ADAM15: variants seen among roughly 807,000 people sequenced by gnomAD.
The protein encoded by ADAM15 is ADAM metallopeptidase domain 15, also known as disintegrin and metalloproteinase domain-containing protein 15.
ADAM15 carries 77 observed loss-of-function variants against 113.8 expected under a neutral mutation model. The observed-to-expected ratio is 0.68, with a 90% CI of 0.56 to 0.82. The LOEUF (loss-of-function observed/expected upper bound fraction) is 0.82. ADAM15 is among the 40% of genes least tolerant of loss of function. The pLI, the probability that ADAM15 is intolerant of heterozygous loss-of-function variation, is 0.00. For synonymous variants in ADAM15, 388 were observed against 454.1 expected (o/e 0.85, Z 1.85); for missense variants, 963 against 1,120.1 (o/e 0.86, Z 2.00).
chr1:155,057,520 T>A lies in ADAM15; in HGVS notation c.1324-117T>A. The A allele has an allele frequency of 1.3e-6, 2 of 1,498,660 alleles. No individual in the cohort carries two copies. Among genetic ancestry groups the A allele is most frequent in the Non-Finnish European group, 1.8e-6 (2 of 1,089,640 alleles). The allele number at this position is 1,498,660 out of a possible 1,614,324, so 92.8% of individuals were successfully genotyped here. A position where few individuals can be genotyped will look rare whatever the true frequency, so the allele number is the denominator to read the frequency against. The stretch of plus-strand genomic sequence containing the variant: ...GGGGACAGCACATGGGTTGTTGGGC[T>A]CTAGCCCTCGCTTGCTGTGTAGCTT... On this transcript the variant is annotated intron_variant, in intron 12 of 22. Coordinates refer to ENST00000356955, the MANE Select transcript of ADAM15 (RefSeq NM_207197.3). This position sits in a 1 kb window ranked among gnomAD's most constrained non-coding sequence, Gnocchi z 5.0.
chr1:155,054,747 G>A (rs1012980570), intron 6 of ADAM15, among the ~76,000 whole-genome samples: 2 of 152,104 alleles, frequency 1.3e-5, no homozygotes, highest in Non-Finnish European at 2.9e-5. Flanking sequence ...GCGTGCACCC[G>A]TAGTTCCAGC....
intron 18 of ADAM15, among the ~76,000 whole-genome samples, 170 bp downstream of exon 18, chr1:155,060,513 T>C (rs1233467083): frequency 6.6e-6 from 1 of 152,162 alleles, no homozygotes; most frequent in Non-Finnish European, 1.5e-5. Flanking sequence ...CCACAGCTTT[T>C]TACCTCACAG....
At position 155,060,152 on chromosome 1, in the gene ADAM15, T is replaced by C. The variant is rs202198686; in HGVS notation, c.2069-53T>C. On this transcript the variant is annotated intron_variant, in intron 17 of 22. Transcript: ENST00000356955. Reference sequence around the variant, plus strand: ...TCACTCCCTGCCCCCTGCGCCTTCATGGATCTAGAGTTCTTAGCCCCGTCC... The same window carrying C: ...TCACTCCCTGCCCCCTGCGCCTTCACGGATCTAGAGTTCTTAGCCCCGTCC... 3.3e-5 allele frequency: 53 copies of C among 1,603,680 alleles called. No homozygotes were observed. In the East Asian group the frequency reaches 1.2e-3, roughly 35 times the overall value.
In ADAM15 at chr1:155,057,971, G is replaced by T; in HGVS notation, c.1537G>T (p.Ala513Ser). 1 of 1,612,820 alleles carries T rather than the reference G, an allele frequency of 6.2e-7. No homozygotes were observed. Among genetic ancestry groups the T allele is most frequent in the Non-Finnish European group, 8.5e-7 (1 of 1,180,046 alleles). Residue 513 changes from alanine to serine, a missense_variant, in exon 14 of 23, where the codon GCT becomes TCT. Physicochemically the swap from Ala to Ser is moderately conservative, Grantham distance 99. Transcript: ENST00000356955. The surrounding 1 kb of genome is among the most constrained non-coding windows in gnomAD (Gnocchi z 5.0). The stretch of plus-strand genomic sequence containing the variant: ...CAGCCTAGGGGATGGCGAGCCCTGC[G>T]CTGGCGGGCAAGCTGTGTGCATGCA... ...DVSLGDGEPCAGGQAVCMHGR... is the reference protein window; with the variant it reads ...DVSLGDGEPCSGGQAVCMHGR...
chr1:155,052,379 G>A (rs1661164265), intron 1 of ADAM15: 2 of 927,588 alleles, frequency 2.2e-6, no homozygotes, highest in Admixed American at 2.5e-5. Flanking sequence ...ACCGGGGAGG[G>A]TCCTGTGAGA....
In ADAM15 at chr1:155,056,110, C is replaced by T. The variant is rs149174607; in HGVS notation, c.775C>T (p.Leu259=). The change falls in exon 9 of 23, where the codon CTA becomes TTA. Residue 259 remains leucine, a synonymous_variant. Coordinates refer to ENST00000356955, the MANE Select transcript of ADAM15 (RefSeq NM_207197.3). This position sits in a 1 kb window ranked among gnomAD's most constrained non-coding sequence, Gnocchi z 4.0. Reference sequence around the variant, plus strand: ...CCGGCCCCTGAATGTACGAGTGGCACTAGTGGGCCTGGAGGCCTGGACCCA... The same window carrying T: ...CCGGCCCCTGAATGTACGAGTGGCATTAGTGGGCCTGGAGGCCTGGACCCA... ...FFRPLNVRVA[L]VGLEAWTQRD... 2.7e-5 allele frequency: 44 copies of T among 1,613,788 alleles called. No homozygotes were observed. The African/African-American group carries it at 5.9e-4, about 22-fold the overall frequency.
At position 155,052,740 on chromosome 1, in the gene ADAM15, A is replaced by C. The variant is rs140561140; in HGVS notation, c.149A>C (p.Gln50Pro). ...GAGCCCTTGGAGCCCCAGGTCCTTC[A>C]GGACGATCTCCCAATTAGCCTCAAA... The part of the protein sequence containing the change: ...PREPLEPQVL[Q>P]DDLPISLKKV... Residue 50 changes from glutamine (Q) to proline (P), a missense_variant, in exon 2 of 23, where the codon CAG becomes CCG. Coordinates refer to ENST00000356955, the MANE Select transcript of ADAM15 (RefSeq NM_207197.3). 6.2e-7 allele frequency: 1 copy of C among 1,612,560 alleles called. No homozygotes were observed. The highest frequency in any genetic ancestry group is 1.3e-5 in the African/African-American group (1 of 74,994).
At position 155,062,377 on chromosome 1, in the gene ADAM15, G is replaced by A. The variant is rs1212019908; in HGVS notation, c.2549+8G>A. On this transcript the variant is annotated splice_region_variant and intron_variant, in intron 22 of 22. Coordinates refer to ENST00000356955, the MANE Select transcript of ADAM15 (RefSeq NM_207197.3). The surrounding 1 kb of genome is among the most constrained non-coding windows in gnomAD (Gnocchi z 7.0). ...CCTAGTGGTACCCTCCAGGTAGGAG[G>A]AGCCCTGGGCATGGGTGGGCGGGGC... 2 of 1,603,228 alleles carry A rather than the reference G, an allele frequency of 1.2e-6. No individual in the cohort carries two copies. Among genetic ancestry groups the A allele is most frequent in the South Asian group, 2.2e-5 (2 of 89,300 alleles).
intron 1 of ADAM15, chr1:155,051,781 G>A: frequency 3.6e-6 from 1 of 279,878 alleles, no homozygotes; most frequent in Non-Finnish European, 6.8e-6. Flanking sequence ...TGAGAGGGTC[G>A]CTGCTCCCCA....
At chr1:155,061,872 C>T in intron 20 of ADAM15, 32 bp from the exon 21 acceptor site, 1 of 1,495,628 alleles carries the variant, frequency 6.7e-7, no homozygotes, top group Non-Finnish European at 8.9e-7. Context: ...CCTGGTTATG[C>T]TCTCACAGCC....
chr1:155,057,466 T>C lies in ADAM15; in HGVS notation c.1323+104T>C. On this transcript the variant is annotated intron_variant, in intron 12 of 22. Transcript: ENST00000356955. This position sits in a 1 kb window ranked among gnomAD's most constrained non-coding sequence, Gnocchi z 5.0. ...GAGCTCTTGGGTTCTGAAGGGACTT[T>C]CCACCCCTCTCCTACTTGCCCTGTC... The C allele has an allele frequency of 6.6e-7, 1 of 1,522,144 alleles. No individual in the cohort carries two copies. Among genetic ancestry groups the C allele is most frequent in the Non-Finnish European group, 9.0e-7 (1 of 1,114,760 alleles). 94.3% of individuals were successfully genotyped at this position (1,522,144 alleles called of 1,614,324 possible). A position where few individuals can be genotyped will look rare whatever the true frequency, so the allele number is the denominator to read the frequency against.
chr1:155,061,384 C>T (rs758949997), intron 19 of ADAM15, 31 bp from the exon 20 acceptor site: 2 of 1,598,880 alleles, frequency 1.3e-6, no homozygotes, highest in South Asian at 2.2e-5. Flanking sequence ...TCTTCCCCCT[C>T]TGTGCCTATC....
chr1:155,061,238 T>C (rs1662550356), intron 19 of ADAM15, 177 bp from the exon 20 acceptor site: 1 of 590,812 alleles, frequency 1.7e-6, no homozygotes, highest in South Asian at 2.0e-5. Flanking sequence ...GATGGGAGTG[T>C]GTGCACACCT....
intron 2 of ADAM15, among the ~76,000 whole-genome samples, chr1:155,053,107 A>ACCCC (rs5777934): frequency 7.2e-3 from 734 of 102,380 alleles, no homozygotes; most frequent in Non-Finnish European, 0.011. Context: ...ACCTTACCAA[A>ACCCC]CCCCCCCCCC....
chr1:155,061,373 C>G (rs1168839729), intron 19 of ADAM15, 42 bp from the exon 20 acceptor site: 7 of 1,572,928 alleles, frequency 4.5e-6, no homozygotes, highest in Non-Finnish European at 6.1e-6. Context: ...TCTCTGCTTC[C>G]TCTTCCCCCT....
In ADAM15 at chr1:155,051,420, C is replaced by CT; in HGVS notation, c.35dup (p.Ala14ArgfsTer17). 6.4e-7 allele frequency: 1 copy of CT among 1,565,242 alleles called. No individual in the cohort carries two copies. ...GGCGCTGCTCTGGGCCCTGGGGCTC[C>CT]TGGGCGCGGGCAGCCCTCTGCCTTC... On this transcript the variant is annotated frameshift_variant, in exon 1 of 23. Transcript: ENST00000356955. LOFTEE classifies it high-confidence loss of function.
chr1:155,057,209 C>T lies in ADAM15; in HGVS notation c.1170C>T (p.Phe390=), dbSNP rs772384497. ...ASTDFLPGLN[F]SNCSRRALEK... ...CCAGCTTCCTACCAGGCCTGAACTTCAGCAACTGCAGCCGACGGGCCCTGG... is the reference window on the plus strand; with the variant it reads ...CCAGCTTCCTACCAGGCCTGAACTTTAGCAACTGCAGCCGACGGGCCCTGG... The change falls in exon 12 of 23, where the codon TTC becomes TTT. Residue 390 remains phenylalanine, a synonymous_variant. Coordinates refer to ENST00000356955, the MANE Select transcript of ADAM15 (RefSeq NM_207197.3). The surrounding 1 kb of genome is among the most constrained non-coding windows in gnomAD (Gnocchi z 5.0). 6.1e-5 allele frequency: 98 copies of T among 1,613,778 alleles called. No individual in the cohort carries two copies. The highest frequency in any genetic ancestry group is 8.0e-5 in the Non-Finnish European group (94 of 1,179,812).
At position 155,056,744 on chromosome 1, in the gene ADAM15, T is replaced by C. The variant is rs1199534526; in HGVS notation, c.1000-209T>C. On this transcript the variant is annotated intron_variant, in intron 10 of 22. Transcript: ENST00000356955. This position sits in a 1 kb window ranked among gnomAD's most constrained non-coding sequence, Gnocchi z 4.0. ...AAGAACAGAGGTGATCTCCCTCCAG[T>C]GAGGGAGGGGGACAGAGCTGAGCTA... Among the ~76,000 whole-genome samples, 3 of 151,908 alleles carry C rather than the reference T, an allele frequency of 2.0e-5. No individual in the cohort carries two copies.
Position 155,053,847 on chromosome 1 carries a change from T to G in ADAM15, c.264-63T>G. 7 of 1,578,266 alleles carry G rather than the reference T, an allele frequency of 4.4e-6. 1 individual carries two copies. In the South Asian group the frequency reaches 4.5e-5, roughly 10 times the overall value. The stretch of plus-strand genomic sequence containing the variant: ...AGCCCCACAACCACCTTCAAGCCTC[T>G]GCTTGTCAATGCACGACCTGGGAAG... On this transcript the variant is annotated intron_variant, in intron 3 of 22. Transcript: ENST00000356955.
Sources: allele counts gnomAD v4.1 joint callset (sites outside exome capture counted in the v4.1 genomes callset), GRCh38; gene constraint gnomAD v4.1.1; non-coding constraint Gnocchi (gnomAD v3.1); transcripts MANE v1.5; gene names NCBI Gene and HGNC (gene_info 2026-07-23, HGNC 2026-07-21).